MAGI2: variants seen among roughly 807,000 people sequenced by gnomAD.
The protein encoded by MAGI2 is membrane associated guanylate kinase, WW and PDZ domain containing 2.
In MAGI2, 35 loss-of-function variants were observed where a neutral mutation model predicts 133.3. That is an observed-to-expected ratio of 0.26 (90% CI 0.20 to 0.35). The LOEUF (loss-of-function observed/expected upper bound fraction) is 0.35, where lower values mean the gene tolerates loss of function less well. MAGI2 is among the 10% of genes least tolerant of loss of function. The pLI, the probability that MAGI2 is intolerant of heterozygous loss-of-function variation, is 1.00. For missense variants in MAGI2, 1,636 were observed against 1,863.4 expected (o/e 0.88, Z 2.25); for synonymous variants, 729 against 710.6 (o/e 1.03, Z -0.41).
intron 2 of MAGI2, among the ~76,000 whole-genome samples, chr7:78,785,304 G>A (rs1167472171): frequency 2.0e-5 from 3 of 152,264 alleles, no homozygotes; most frequent in Admixed American, 2.0e-4. Context: ...TGCAAGCCAG[G>A]ATTTGCAAAC....
At chr7:78,901,523 G>A (rs1212170771) in intron 2 of MAGI2, 1 of 152,128 alleles carries the variant, frequency 6.6e-6, no homozygotes, top group East Asian at 1.9e-4. Context: ...GGAAGTGGTA[G>A]AACAACAACA....
chr7:79,020,396 G>T (rs543436741), intron 1 of MAGI2, among the ~76,000 whole-genome samples: 3 of 152,272 alleles, frequency 2.0e-5, no homozygotes, highest in African/African-American at 7.2e-5. Context: ...TAGAAAATCT[G>T]CAGCCCCACA....
chr7:78,701,979 T>C (rs1285431432), intron 2 of MAGI2, among the ~76,000 whole-genome samples: 1 of 151,998 alleles, frequency 6.6e-6, no homozygotes, highest in Non-Finnish European at 1.5e-5. Context: ...ATTCTCCTGC[T>C]GATGAATTCT....
intron 3 of MAGI2, among the ~76,000 whole-genome samples, chr7:78,555,552 C>T (rs960931171): frequency 1.1e-4 from 17 of 151,826 alleles, no homozygotes; most frequent in Admixed American, 2.6e-4. Context: ...TTAAACTAGC[C>T]CCAATTAAGC....
chr7:78,570,097 A>G (rs1801353837), intron 3 of MAGI2, among the ~76,000 whole-genome samples: 1 of 151,876 alleles, frequency 6.6e-6, no homozygotes, highest in Non-Finnish European at 1.5e-5. Context: ...TGCTATACCC[A>G]CTCTTGTACA....
intron 2 of MAGI2, among the ~76,000 whole-genome samples, chr7:78,769,528 C>T (rs889773958): frequency 3.9e-5 from 6 of 152,004 alleles, no homozygotes; most frequent in African/African-American, 1.5e-4. Flanking sequence ...TTTAAAAAGG[C>T]AGGCGAACTG....
chr7:79,334,361 G>A (rs1840287391), intron 1 of MAGI2, among the ~76,000 whole-genome samples: 1 of 152,100 alleles, frequency 6.6e-6, no homozygotes, highest in East Asian at 1.9e-4. Flanking sequence ...CTCAGGTTGA[G>A]AAATATCATT....
intron 2 of MAGI2, among the ~76,000 whole-genome samples, chr7:78,979,351 TC>T (rs144400619): frequency 6.7e-6 from 1 of 149,500 alleles, no homozygotes; most frequent in Non-Finnish European, 1.5e-5. Flanking sequence ...GTCAAAAAAG[TC>T]CCCCCCCAGC....
intron 9 of MAGI2, among the ~76,000 whole-genome samples, chr7:78,263,657 C>T (rs578049987): frequency 6.6e-6 from 1 of 152,218 alleles, no homozygotes; most frequent in Admixed American, 6.6e-5. Context: ...TCTTCATATT[C>T]TCCATATCCA....
At chr7:78,204,404 A>T (rs1471302335) in intron 10 of MAGI2, among the ~76,000 whole-genome samples, 1 of 152,186 alleles carries the variant, frequency 6.6e-6, no homozygotes. Flanking sequence ...ACCCATTTTC[A>T]TAGGGAAACA....
At chr7:78,103,390 T>C (rs1818372371) in intron 20 of MAGI2, among the ~76,000 whole-genome samples, 1 of 152,234 alleles carries the variant, frequency 6.6e-6, no homozygotes, top group Non-Finnish European at 1.5e-5. Flanking sequence ...AGAGTAGGGA[T>C]TGAGTCATTT....
chr7:79,440,918 T>C (rs1848456838), intron 1 of MAGI2, among the ~76,000 whole-genome samples: 1 of 152,208 alleles, frequency 6.6e-6, no homozygotes, highest in African/African-American at 2.4e-5. Context: ...ACATGACTAC[T>C]GTGGCTTCAG....
chr7:78,878,287 C>G (rs923839324), intron 2 of MAGI2, among the ~76,000 whole-genome samples: 1 of 152,172 alleles, frequency 6.6e-6, no homozygotes, highest in African/African-American at 2.4e-5. Flanking sequence ...TTCTATTGCT[C>G]TACTGAATTT....
At chr7:79,245,510 C>T (rs1014089788) in intron 1 of MAGI2, among the ~76,000 whole-genome samples, 19 of 152,098 alleles carry the variant, frequency 1.2e-4, no homozygotes, top group Admixed American at 7.9e-4. Context: ...TCTACAAGTT[C>T]GGGGTGGTGG....
At chr7:79,091,052 C>T (rs374753319) in intron 1 of MAGI2, among the ~76,000 whole-genome samples, 34 of 151,868 alleles carry the variant, frequency 2.2e-4, no homozygotes, top group African/African-American at 7.2e-4. Flanking sequence ...CTTAGTGCTG[C>T]GAAGTTTAAA....
intron 2 of MAGI2, among the ~76,000 whole-genome samples, chr7:78,701,036 C>T (rs1818016834): frequency 6.6e-6 from 1 of 150,914 alleles, no homozygotes; most frequent in Non-Finnish European, 1.5e-5. Flanking sequence ...TCCATGAAGT[C>T]TACAATATAT....
At chr7:78,669,300 C>G (rs921266208) in intron 2 of MAGI2, among the ~76,000 whole-genome samples, 26 of 151,980 alleles carry the variant, frequency 1.7e-4, no homozygotes, top group African/African-American at 6.3e-4. Context: ...CACCTCTATG[C>G]AAATAAACTA....
chr7:79,107,825 A>C (rs1818570927), intron 1 of MAGI2, among the ~76,000 whole-genome samples: 1 of 152,168 alleles, frequency 6.6e-6, no homozygotes, highest in Admixed American at 6.5e-5. Flanking sequence ...TAACACTTAC[A>C]TAATTAAACT....
At chr7:79,048,743 G>T (rs1275144671) in intron 1 of MAGI2, among the ~76,000 whole-genome samples, 1 of 152,134 alleles carries the variant, frequency 6.6e-6, no homozygotes, top group African/African-American at 2.4e-5. Context: ...GGAAGCCAAG[G>T]TGGGCCGATC....
Sources: allele counts gnomAD v4.1 joint callset (sites outside exome capture counted in the v4.1 genomes callset), GRCh38; gene constraint gnomAD v4.1.1; transcripts MANE v1.5; gene names NCBI Gene and HGNC (gene_info 2026-07-23, HGNC 2026-07-21).